Variants in CTTNBP2 observed in about 807,000 individuals in gnomAD.
CTTNBP2 encodes cortactin binding protein 2, also known as cortactin-binding protein 2.
Under a neutral mutation model 156.9 loss-of-function variants are expected in CTTNBP2, and 108 were observed. The ratio of observed to expected loss-of-function variants is 0.69; its 90% CI spans 0.59 to 0.81. CTTNBP2 has a LOEUF of 0.81. CTTNBP2 is among the 30% of genes least tolerant of loss of function. CTTNBP2 has a pLI of 0.00. For synonymous variants in CTTNBP2, 767 were observed against 751.8 expected (o/e 1.02, Z -0.33); for missense variants, 1,924 against 2,035.4 (o/e 0.95, Z 1.05).
chr7:117,767,219 T>A, intron 8 of CTTNBP2, 43 bp from the exon 9 acceptor site: 2 of 1,085,788 alleles, frequency 1.8e-6, no homozygotes, highest in Non-Finnish European at 2.9e-6. Context: ...CCAAATGAAT[T>A]AACTTGAATG....
intron 14 of CTTNBP2, among the ~76,000 whole-genome samples, chr7:117,736,536 G>A (rs1795717315): frequency 6.6e-6 from 1 of 152,100 alleles, no homozygotes. Context: ...TGTGGTCTCA[G>A]AAACAATGGT....
At chr7:117,803,843 G>T (rs576999411) in intron 3 of CTTNBP2, among the ~76,000 whole-genome samples, 19 of 152,140 alleles carry the variant, frequency 1.2e-4, no homozygotes, top group Middle Eastern at 6.8e-3. Flanking sequence ...ACTATATTTT[G>T]TCCTTAAAAA....
chr7:117,868,821 T>A (rs184033596), intron 1 of CTTNBP2, among the ~76,000 whole-genome samples: 1 of 152,240 alleles, frequency 6.6e-6, no homozygotes, highest in South Asian at 2.1e-4. Context: ...AGTTGGGGGA[T>A]ACTGCTCCAT....
chr7:117,827,340 C>T (rs577330669), intron 2 of CTTNBP2, among the ~76,000 whole-genome samples: 2 of 152,270 alleles, frequency 1.3e-5, no homozygotes, highest in South Asian at 4.1e-4. Context: ...AGACCAAATT[C>T]CTGTTTTGGA....
chr7:117,791,772 G>C lies in CTTNBP2; in HGVS notation c.1424C>G (p.Ser475Trp). Reference sequence around the variant, plus strand: ...CACTAGGTTGTCACGACTTGTAGGCGAGACATCTCTTGACGGAGGACTTTG... The same window carrying C: ...CACTAGGTTGTCACGACTTGTAGGCCAGACATCTCTTGACGGAGGACTTTG... ...TTQSPPSRDV[S>W]PTSRDNLVAK... Residue 475 changes from serine to tryptophan, a missense_variant, in exon 4 of 23, where the codon TCG becomes TGG. Physicochemically the swap from Ser to Trp is radical, Grantham distance 177. Coordinates refer to ENST00000160373, the MANE Select transcript of CTTNBP2 (RefSeq NM_033427.3). 1 of 1,614,198 alleles carries C rather than the reference G, an allele frequency of 6.2e-7. No individual in the cohort carries two copies. Among genetic ancestry groups the C allele is most frequent in the Non-Finnish European group, 8.5e-7 (1 of 1,180,032 alleles).
At position 117,784,425 on chromosome 7, in the gene CTTNBP2, T is replaced by C; in HGVS notation, c.2098A>G (p.Met700Val). 1 of 1,608,228 alleles carries C rather than the reference T, an allele frequency of 6.2e-7. No homozygotes were observed. Among genetic ancestry groups the C allele is most frequent in the South Asian group, 1.1e-5 (1 of 90,104 alleles). ...GCCAGGGGGGCAGGACCACCACTCATTAGCAAAGGGGTTAGGGAGGGTGAC... is the reference window on the plus strand; with the variant it reads ...GCCAGGGGGGCAGGACCACCACTCACTAGCAAAGGGGTTAGGGAGGGTGAC... ...GWSPSLTPLLMSGGPAPLAGR... is the reference protein window; with the variant it reads ...GWSPSLTPLLVSGGPAPLAGR... The change falls in exon 5 of 23, where the codon ATG (methionine) becomes GTG (valine). Residue 700 changes from methionine (M) to valine (V), a missense_variant. Physicochemically the swap from Met to Val is conservative, Grantham distance 21. Coordinates refer to ENST00000160373, the MANE Select transcript of CTTNBP2 (RefSeq NM_033427.3).
chr7:117,779,926 A>G (rs188036781), intron 7 of CTTNBP2, among the ~76,000 whole-genome samples: 59 of 152,074 alleles, frequency 3.9e-4, no homozygotes, highest in African/African-American at 1.4e-3. Context: ...ACGCTGGGTT[A>G]ATTTTCTATT....
chr7:117,755,080 C>A (rs1241750925), intron 12 of CTTNBP2, among the ~76,000 whole-genome samples: 1 of 152,188 alleles, frequency 6.6e-6, no homozygotes, highest in Non-Finnish European at 1.5e-5. Context: ...ACCCTTCAAC[C>A]TTCACTTAAG....
At chr7:117,851,984 C>T (rs560587619) in intron 2 of CTTNBP2, among the ~76,000 whole-genome samples, 2 of 152,156 alleles carry the variant, frequency 1.3e-5, no homozygotes, top group Non-Finnish European at 2.9e-5. Flanking sequence ...CTTAAAAAGT[C>T]TAATCTAAAA....
intron 9 of CTTNBP2, among the ~76,000 whole-genome samples, chr7:117,765,265 C>T (rs560257310): frequency 3.7e-4 from 56 of 152,236 alleles, no homozygotes; most frequent in African/African-American, 1.1e-3. Flanking sequence ...CATTTGCATT[C>T]GCAGCTTTTA....
In CTTNBP2 at chr7:117,810,860, G is replaced by T; in HGVS notation, c.319C>A (p.Pro107Thr). 1 of 1,614,012 alleles carries T rather than the reference G, an allele frequency of 6.2e-7. No homozygotes were observed. Among genetic ancestry groups the T allele is most frequent in the South Asian group, 1.1e-5 (1 of 91,072 alleles). ...ATGACTGCTTCAAGGATGGAGAGGG[G>T]GTTGGTACAAACTGGCTTCTTCTCT... Reference protein sequence around the residue: ...DKEKKPVCTNPLSILEAVMAH... With the variant: ...DKEKKPVCTNTLSILEAVMAH... Residue 107 changes from proline (P) to threonine (T), a missense_variant, in exon 3 of 23, where the codon CCC (proline) becomes ACC (threonine). Coordinates refer to ENST00000160373, the MANE Select transcript of CTTNBP2 (RefSeq NM_033427.3).
chr7:117,768,691 G>C (rs1337796655), intron 8 of CTTNBP2, among the ~76,000 whole-genome samples: 1 of 151,786 alleles, frequency 6.6e-6, no homozygotes, highest in African/African-American at 2.4e-5. Context: ...AGCCCCTTTT[G>C]TACTCCATCT....
chr7:117,871,874 A>ACACACACACACACACACACACACACACAC (rs1457195330), intron 1 of CTTNBP2: 1 of 916,646 alleles, frequency 1.1e-6, no homozygotes, highest in African/African-American at 1.9e-5. Flanking sequence ...ACACACACAC[A>ACACACACACACACACACACACACACACAC]CCCTCTTTCT....
chr7:117,745,368 T>C (rs1333487252), intron 14 of CTTNBP2, among the ~76,000 whole-genome samples: 4 of 152,154 alleles, frequency 2.6e-5, no homozygotes, highest in African/African-American at 9.7e-5. Context: ...GTCAATGGCA[T>C]AGCAAGAGTG....
At chr7:117,763,296 T>C (rs911338436) in intron 9 of CTTNBP2, among the ~76,000 whole-genome samples, 6 of 152,164 alleles carry the variant, frequency 3.9e-5, no homozygotes, top group African/African-American at 1.4e-4. Context: ...AGGTGTTTAT[T>C]CAATGGATGA....
chr7:117,793,047 A>G (rs935726179), intron 3 of CTTNBP2, among the ~76,000 whole-genome samples: 4 of 152,214 alleles, frequency 2.6e-5, no homozygotes, highest in Non-Finnish European at 5.9e-5. Flanking sequence ...ACAGAAAAAG[A>G]GAACAATAAC....
rs776164379 is a variant in CTTNBP2 at position 117,725,190 on chromosome 7, A to G, written c.4123T>C (p.Ser1375Pro). Residue 1375 changes from serine (S) to proline (P), a missense_variant, in exon 18 of 23, where the codon TCT (serine) becomes CCT (proline). Transcript: ENST00000160373. ...RVQEAILSRA[S>P]VKRQPGFGQT... ...CCAAAGCCAGGTTGTCTTTTCACAGAGGCTCTTGACAATATTGCTTCTTGA... is the reference window on the plus strand; with the variant it reads ...CCAAAGCCAGGTTGTCTTTTCACAGGGGCTCTTGACAATATTGCTTCTTGA... The G allele has an allele frequency of 7.5e-5, 121 of 1,613,938 alleles. 1 individual carries two copies. Among genetic ancestry groups the G allele is most frequent in the Non-Finnish European group, 9.7e-5 (115 of 1,180,016 alleles).
intron 2 of CTTNBP2, among the ~76,000 whole-genome samples, chr7:117,842,343 G>A (rs1270092379): frequency 1.3e-5 from 2 of 152,054 alleles, no homozygotes; most frequent in African/African-American, 4.8e-5. Flanking sequence ...TGGGATTACA[G>A]GCACCTGCCA....
chr7:117,868,937 CT>C (rs1262343903), intron 1 of CTTNBP2, among the ~76,000 whole-genome samples: 2 of 152,128 alleles, frequency 1.3e-5, no homozygotes, highest in Non-Finnish European at 2.9e-5. Context: ...CCATTCTTTC[CT>C]TTTATTCCCC....
Sources: allele counts gnomAD v4.1 joint callset (sites outside exome capture counted in the v4.1 genomes callset), GRCh38; gene constraint gnomAD v4.1.1; transcripts MANE v1.5; gene names NCBI Gene and HGNC (gene_info 2026-07-23, HGNC 2026-07-21).